DNAH9: variants seen among roughly 807,000 people sequenced by gnomAD.
The protein encoded by DNAH9 is dynein axonemal heavy chain 9.
In DNAH9, 345 loss-of-function variants were observed where a neutral mutation model predicts 471.6. The ratio of observed to expected loss-of-function variants is 0.73; its 90% confidence interval spans 0.67 to 0.80. The LOEUF is 0.80. Ranked by LOEUF, DNAH9 falls within the 30% of genes least tolerant of loss-of-function variation. The pLI, the probability that DNAH9 is intolerant of heterozygous loss-of-function variation, is 0.00. For missense variants in DNAH9, 5,407 were observed against 5,609.2 expected (o/e 0.96, Z 1.15); for synonymous variants, 2,093 against 2,123.6 (o/e 0.99, Z 0.40).
chr17:11,766,902 G>C (rs1870719277), intron 36 of DNAH9, among the ~76,000 whole-genome samples: 1 of 151,574 alleles, frequency 6.6e-6, no homozygotes, highest in Non-Finnish European at 1.5e-5. Context: ...CCGGGAGGCA[G>C]AGGTTGCCGT....
intron 20 of DNAH9, among the ~76,000 whole-genome samples, chr17:11,692,402 A>G (rs2074349736): frequency 6.6e-6 from 1 of 152,178 alleles, no homozygotes; most frequent in Admixed American, 6.5e-5. Flanking sequence ...CTAATTGCAT[A>G]TATTAGTCTG....
intron 2 of DNAH9, among the ~76,000 whole-genome samples, chr17:11,609,540 G>A (rs551575557): frequency 4.6e-5 from 7 of 152,200 alleles, no homozygotes; most frequent in South Asian, 2.1e-4. Context: ...CACTTGTGCC[G>A]TATCATTTCT....
In DNAH9 at chr17:11,704,256, T is replaced by C. The variant is rs906889058; in HGVS notation, c.5205T>C (p.Phe1735=). 6 of 1,614,076 alleles carry C rather than the reference T, an allele frequency of 3.7e-6. No homozygotes were observed. The highest frequency in any genetic ancestry group is 5.1e-6 in the Non-Finnish European group (6 of 1,180,048). Residue 1735 remains phenylalanine, a synonymous_variant, in exon 25 of 69, where the codon TTT becomes TTC. Coordinates refer to ENST00000262442, the MANE Select transcript of DNAH9 (RefSeq NM_001372.4). ...GGACAACAGAAGTGGGCATGGCATT[T>C]GCCAGGCTGGAGGAAGGCTATGAGA... ...IWWTTEVGMA[F]ARLEEGYESA... is the part of the protein sequence containing the mutation.
chr17:11,903,019 T>G, intron 60 of DNAH9, 107 bp downstream of exon 60: 1 of 1,244,406 alleles, frequency 8.0e-7, no homozygotes, highest in African/African-American at 1.5e-5. Flanking sequence ...ATATAGTAGT[T>G]TCCTGGAGCT....
At position 11,797,784 on chromosome 17, in the gene DNAH9, T is replaced by C; in HGVS notation, c.8411T>C (p.Met2804Thr). Residue 2804 changes from methionine (M) to threonine (T), a missense_variant, in exon 43 of 69, where the codon ATG (methionine) becomes ACG (threonine). Met to Thr is a moderately conservative substitution (Grantham distance 81). Transcript: ENST00000262442. ...VMDLVLFEDA[M>T]RHVCHINRIL... ...GACCTAGTTCTCTTTGAGGATGCCATGCGCCATGTGTAAGTGTGCTTCTCC... is the reference window on the plus strand; with the variant it reads ...GACCTAGTTCTCTTTGAGGATGCCACGCGCCATGTGTAAGTGTGCTTCTCC... 1 of 1,613,686 alleles carries C rather than the reference T, an allele frequency of 6.2e-7. No individual in the cohort carries two copies. The highest frequency in any genetic ancestry group is 1.7e-5 in the Admixed American group (1 of 59,952).
intron 22 of DNAH9, among the ~76,000 whole-genome samples, chr17:11,695,923 T>C (rs2074469146): frequency 6.6e-6 from 1 of 152,228 alleles, no homozygotes; most frequent in Admixed American, 6.5e-5. Flanking sequence ...ATTTGCTTCT[T>C]TTTGCTTTCA....
At chr17:11,725,588 A>G (rs1380437675) in intron 27 of DNAH9, among the ~76,000 whole-genome samples, 1 of 152,108 alleles carries the variant, frequency 6.6e-6, no homozygotes, top group Non-Finnish European at 1.5e-5. Flanking sequence ...GCCCTACATC[A>G]GGACACAGTG....
At chr17:11,727,733 A>G (rs562582232) in intron 27 of DNAH9, 85 bp from the exon 28 acceptor site, 134 of 870,676 alleles carry the variant, frequency 1.5e-4, no homozygotes, top group East Asian at 6.8e-4. Context: ...AGAAGTATCT[A>G]TAATAAAGGG....
chr17:11,806,504 G>A (rs866283508), intron 43 of DNAH9, among the ~76,000 whole-genome samples: 3 of 151,750 alleles, frequency 2.0e-5, no homozygotes, highest in African/African-American at 7.3e-5. Flanking sequence ...ACCATCAAAA[G>A]TCTGGTTTAG....
chr17:11,763,741 A>C, intron 36 of DNAH9, 127 bp downstream of exon 36: 1 of 894,580 alleles, frequency 1.1e-6, no homozygotes. Flanking sequence ...CAAACTATTT[A>C]GTCATCTACC....
chr17:11,885,792 AG>A (rs1460539929), intron 56 of DNAH9, among the ~76,000 whole-genome samples: 3 of 152,150 alleles, frequency 2.0e-5, no homozygotes, highest in Non-Finnish European at 2.9e-5. Flanking sequence ...TGTTTTGGAA[AG>A]GGGCCTTCTG....
chr17:11,848,952 T>G (rs1291177572), intron 49 of DNAH9, among the ~76,000 whole-genome samples: 1 of 151,972 alleles, frequency 6.6e-6, no homozygotes, highest in East Asian at 1.9e-4. Flanking sequence ...TTCTCCTGCC[T>G]CAGCCTCCCA....
chr17:11,601,307 T>C (rs1232476872), intron 1 of DNAH9, among the ~76,000 whole-genome samples: 1 of 148,324 alleles, frequency 6.7e-6, no homozygotes, highest in African/African-American at 2.5e-5. Context: ...TGCTACTATT[T>C]ATGTTTAAAA....
At chr17:11,618,069 C>T (rs1460174624) in intron 5 of DNAH9, among the ~76,000 whole-genome samples, 1 of 152,222 alleles carries the variant, frequency 6.6e-6, no homozygotes, top group African/African-American at 2.4e-5. Flanking sequence ...GCCTCACTCT[C>T]CTCCTCTGTA....
intron 62 of DNAH9, among the ~76,000 whole-genome samples, chr17:11,924,451 G>GA (rs1209730341): frequency 1.1e-4 from 16 of 151,974 alleles, no homozygotes; most frequent in Middle Eastern, 3.4e-3. Context: ...TAATTTGACT[G>GA]AACAGTTACA....
At chr17:11,697,407 T>TA (rs1246563312) in intron 22 of DNAH9, among the ~76,000 whole-genome samples, 3 of 151,984 alleles carry the variant, frequency 2.0e-5, no homozygotes, top group Non-Finnish European at 2.9e-5. Context: ...CTGCCTGCTT[T>TA]AAAAAAAATT....
chr17:11,646,424 A>G (rs2073392109), intron 11 of DNAH9, among the ~76,000 whole-genome samples: 1 of 152,170 alleles, frequency 6.6e-6, no homozygotes, highest in Non-Finnish European at 1.5e-5. Context: ...AGTCCAGCAC[A>G]TGGTAGGTGC....
intron 6 of DNAH9, among the ~76,000 whole-genome samples, chr17:11,628,129 T>A (rs1156488281): frequency 1.3e-5 from 2 of 152,238 alleles, no homozygotes; most frequent in African/African-American, 4.8e-5. Context: ...TCATCTTTCC[T>A]GCCTAAGGAA....
At chr17:11,754,198 G>T (rs1383346674) in intron 33 of DNAH9, among the ~76,000 whole-genome samples, 1 of 151,568 alleles carries the variant, frequency 6.6e-6, no homozygotes, top group Non-Finnish European at 1.5e-5. Flanking sequence ...TGGTGTGTAT[G>T]TACCACATTT....
Sources: gnomAD v4.1 joint callset for allele counts (sites outside exome capture counted in the v4.1 genomes callset) on GRCh38, gnomAD v4.1.1 for gene constraint, MANE v1.5 for transcripts, NCBI Gene and HGNC (gene_info 2026-07-23, HGNC 2026-07-21) for gene names.